The following COL24A1 variants were observed in gnomAD, a reference collection of about 807,000 sequenced individuals.
COL24A1 encodes the protein collagen alpha-1(XXIV) chain.
A neutral mutation model predicts 253.9 loss-of-function variants in COL24A1; 224 were observed. The observed-to-expected ratio is 0.88, with a 90% CI of 0.79 to 0.99. The LOEUF (loss-of-function observed/expected upper bound fraction) is 0.99, where lower values mean the gene tolerates loss of function less well. COL24A1 is among the 50% of genes least tolerant of loss of function. The probability of loss-of-function intolerance (pLI) is 0.00; values close to 1 mark genes in which losing one functional copy is unlikely to be tolerated. For missense variants in COL24A1, 2,131 were observed against 2,068.5 expected (o/e 1.03, Z -0.59); for synonymous variants, 685 against 673.7 (o/e 1.02, Z -0.26).
intron 12 of COL24A1, among the ~76,000 whole-genome samples, chr1:86,040,149 C>A (rs976166672): frequency 6.6e-6 from 1 of 152,090 alleles, no homozygotes; most frequent in Non-Finnish European, 1.5e-5. Context: ...ATGTGGTATA[C>A]AACATCATGT....
rs564219195 is a variant in COL24A1 at position 86,055,470 on chromosome 1, A to C, written c.1851+2461T>G. Among the ~76,000 whole-genome samples the C allele has an allele frequency of 4.6e-5, 7 of 152,314 alleles. No individual in the cohort carries two copies. In the South Asian group the frequency reaches 1.2e-3, roughly 27 times the overall value. On this transcript the variant is annotated intron_variant, in intron 10 of 59. Transcript: ENST00000370571. ...ACAAATGGGAAAAGGAAAAAACAAA[A>C]GGATGTATAATACAATGCAAAAATG...
intron 11 of COL24A1, among the ~76,000 whole-genome samples, chr1:86,047,178 G>GAT (rs1699972461): frequency 6.6e-6 from 1 of 152,152 alleles, no homozygotes; most frequent in African/African-American, 2.4e-5. Context: ...GGCACAACTA[G>GAT]ATGAACACGA....
chr1:86,135,338 A>G (rs1347630266), intron 2 of COL24A1, among the ~76,000 whole-genome samples: 1 of 152,108 alleles, frequency 6.6e-6, no homozygotes, highest in Non-Finnish European at 1.5e-5. Flanking sequence ...TGGAGCATTT[A>G]GCCCATTTAC....
chr1:86,068,484 C>A (rs996107280), intron 7 of COL24A1, among the ~76,000 whole-genome samples: 7 of 152,136 alleles, frequency 4.6e-5, no homozygotes, highest in African/African-American at 1.7e-4. Flanking sequence ...TCTTGGCAAG[C>A]CTTACCACCA....
intron 24 of COL24A1, among the ~76,000 whole-genome samples, chr1:85,936,849 G>A (rs1688287913): frequency 6.8e-6 from 1 of 147,540 alleles, no homozygotes; most frequent in Non-Finnish European, 1.5e-5. Context: ...AACACATTTT[G>A]AAAAATGAAT....
intron 47 of COL24A1, among the ~76,000 whole-genome samples, chr1:85,803,747 C>T (rs72950673): frequency 0.02 from 3,099 of 152,028 alleles, 101 homozygotes; most frequent in African/African-American, 0.068. Context: ...CTCAGTTTTC[C>T]GTAGATTTTG....
chr1:86,128,073 T>C (rs1244481165), intron 2 of COL24A1, among the ~76,000 whole-genome samples: 2 of 152,098 alleles, frequency 1.3e-5, no homozygotes. Context: ...TAGAATTATA[T>C]GCACCTCCAG....
At chr1:85,766,368 C>CAAAAAAA (rs1319642983) in intron 53 of COL24A1, among the ~76,000 whole-genome samples, 12 of 66,284 alleles carry the variant, frequency 1.8e-4, no homozygotes, top group African/African-American at 2.5e-4. Context: ...GACTCTGTCT[C>CAAAAAAA]AAAAAAAAAA....
intron 47 of COL24A1, among the ~76,000 whole-genome samples, chr1:85,811,401 A>G (rs773575265): frequency 6.6e-6 from 1 of 152,200 alleles, no homozygotes; most frequent in Non-Finnish European, 1.5e-5. Context: ...AATAAAATTT[A>G]TTTAAAAAAA....
At chr1:85,950,524 A>C (rs1407722811) in intron 24 of COL24A1, among the ~76,000 whole-genome samples, 1 of 152,184 alleles carries the variant, frequency 6.6e-6, no homozygotes, top group Non-Finnish European at 1.5e-5. Flanking sequence ...GTTTGAACCC[A>C]GTAAGTATTA....
At chr1:86,115,589 C>G (rs1445518606) in intron 3 of COL24A1, among the ~76,000 whole-genome samples, 1 of 152,178 alleles carries the variant, frequency 6.6e-6, no homozygotes, top group African/African-American at 2.4e-5. Flanking sequence ...GAAATGGCAG[C>G]AGGAAGTCTA....
intron 47 of COL24A1, among the ~76,000 whole-genome samples, chr1:85,809,809 T>TTA (rs544810606): frequency 1.9e-4 from 28 of 147,812 alleles, no homozygotes; most frequent in East Asian, 5.8e-4. Flanking sequence ...GTATATAATA[T>TTA]TATATATATA....
chr1:85,843,891 A>G (rs1240111138), intron 39 of COL24A1, among the ~76,000 whole-genome samples: 2 of 152,150 alleles, frequency 1.3e-5, no homozygotes, highest in Admixed American at 1.3e-4. Context: ...ATAAAAGAAA[A>G]AATGAACCTT....
intron 29 of COL24A1, 74 bp from the exon 30 acceptor site, chr1:85,896,139 A>C: frequency 7.1e-7 from 1 of 1,406,314 alleles, no homozygotes; most frequent in East Asian, 2.3e-5. Flanking sequence ...ATATGCTAGC[A>C]TACACTCACA....
intron 11 of COL24A1, among the ~76,000 whole-genome samples, chr1:86,049,103 T>G (rs1445199282): frequency 6.6e-6 from 1 of 152,202 alleles, no homozygotes; most frequent in African/African-American, 2.4e-5. Context: ...CTGTAGTACA[T>G]GAAGGTTAGG....
intron 22 of COL24A1, 62 bp downstream of exon 22, chr1:85,970,165 C>A: frequency 2.9e-6 from 4 of 1,395,698 alleles, no homozygotes; most frequent in Middle Eastern, 1.8e-4. Flanking sequence ...ATGTTAAAAA[C>A]ATTTATAGAA....
At chr1:85,912,404 T>C (rs1242889941) in intron 24 of COL24A1, among the ~76,000 whole-genome samples, 1 of 152,170 alleles carries the variant, frequency 6.6e-6, no homozygotes, top group Non-Finnish European at 1.5e-5. Context: ...TCTTAAATCA[T>C]AAGCAGTTAC....
chr1:85,933,814 AT>A (rs1200930043), intron 24 of COL24A1, among the ~76,000 whole-genome samples: 1 of 152,216 alleles, frequency 6.6e-6, no homozygotes, highest in Non-Finnish European at 1.5e-5. Context: ...ACATGGGTGA[AT>A]TCTGGTTTGT....
At chr1:85,877,067 G>T in intron 33 of COL24A1, 55 bp downstream of exon 33, 1 of 1,225,852 alleles carries the variant, frequency 8.2e-7, no homozygotes, top group Non-Finnish European at 1.2e-6. Flanking sequence ...TTTTACCTTA[G>T]AGTCTTACAA....
Sources: gnomAD v4.1 joint callset for allele counts (sites outside exome capture counted in the v4.1 genomes callset) on GRCh38, gnomAD v4.1.1 for gene constraint, MANE v1.5 for transcripts, NCBI Gene and HGNC (gene_info 2026-07-23, HGNC 2026-07-21) for gene names.